Variants in ASTN2 observed in about 807,000 individuals in gnomAD.
The protein encoded by ASTN2 is astrotactin-2.
In ASTN2, 54 loss-of-function variants were observed where a neutral mutation model predicts 139.8. That is an observed-to-expected ratio of 0.39 (90% confidence interval 0.31 to 0.48). ASTN2 has a LOEUF of 0.48. ASTN2 is among the 20% of genes least tolerant of loss of function. ASTN2 has a pLI of 0.95. For missense variants in ASTN2, 1,565 were observed against 1,725.1 expected (o/e 0.91, Z 1.64); for synonymous variants, 756 against 719.5 (o/e 1.05, Z -0.81).
chr9:116,590,901 T>G (rs1385684038), intron 19 of ASTN2, among the ~76,000 whole-genome samples: 2 of 152,232 alleles, frequency 1.3e-5, no homozygotes, highest in African/African-American at 4.8e-5. Flanking sequence ...AGCTGGACAC[T>G]CATCAGGATG....
intron 13 of ASTN2, among the ~76,000 whole-genome samples, chr9:116,793,692 CA>C (rs1167881686): frequency 3.3e-5 from 5 of 152,080 alleles, no homozygotes; most frequent in African/African-American, 4.8e-5. Context: ...GAAAAACAAA[CA>C]AAAAAGCTGG....
intron 13 of ASTN2, among the ~76,000 whole-genome samples, chr9:116,795,747 AAAGGAATGCAATTT>A (rs1291367040): frequency 6.6e-6 from 1 of 152,048 alleles, no homozygotes; most frequent in Non-Finnish European, 1.5e-5. Flanking sequence ...AACTGGGGGG[AAAGGAATGCAATTT>A]AAGGCAGAGA....
At chr9:116,568,721 T>A (rs965067574) in intron 19 of ASTN2, 2 of 152,176 alleles carry the variant, frequency 1.3e-5, no homozygotes, top group African/African-American at 2.4e-5. Flanking sequence ...CAGGTTTGAA[T>A]TAAGGAAAGA....
At chr9:116,752,334 A>G (rs6478248) in intron 13 of ASTN2, among the ~76,000 whole-genome samples, 121,767 of 151,854 alleles carry the variant, frequency 0.8, 48,938 homozygotes, top group South Asian at 0.91. Context: ...GAAGAAGAAA[A>G]ACAGACAAAA....
intron 17 of ASTN2, among the ~76,000 whole-genome samples, chr9:116,649,156 T>A (rs966528252): frequency 6.6e-6 from 1 of 152,240 alleles, no homozygotes; most frequent in Non-Finnish European, 1.5e-5. Context: ...CCTATGTTCA[T>A]CACTTCCTTG....
Position 117,008,293 on chromosome 9 carries a change from CT to C in ASTN2, c.1424-35del, listed in dbSNP as rs747700495. 3.2e-5 allele frequency: 50 copies of C among 1,545,328 alleles called. No homozygotes were observed. In the Middle Eastern group the frequency reaches 5.2e-4, roughly 16 times the overall value. ...GAACGGAGAGACAGATACTTTCTTA[CT>C]GATTTTAAGGTCTTAGCTGATGCTA... On this transcript the variant is annotated intron_variant, in intron 6 of 22. Transcript: ENST00000313400.
chr9:116,822,321 T>C (rs890412992), intron 11 of ASTN2, among the ~76,000 whole-genome samples: 2 of 152,060 alleles, frequency 1.3e-5, no homozygotes, highest in Non-Finnish European at 2.9e-5. Flanking sequence ...AGAAAGTAGG[T>C]TATAAATGGC....
At chr9:116,784,678 C>T (rs1249764426) in intron 13 of ASTN2, among the ~76,000 whole-genome samples, 1 of 152,028 alleles carries the variant, frequency 6.6e-6, no homozygotes, top group Non-Finnish European at 1.5e-5. Context: ...GCCTGTAATC[C>T]CAGCACTTTG....
rs970834306 is a variant in ASTN2 at position 117,264,171 on chromosome 9, A to AT, written c.630+27154dup. ...AGTTTCTTGTCCAGTAAAATCTACAATTTTTTTTTCTAGGTGATACTGAGT... is the reference window on the plus strand; with the variant it reads ...AGTTTCTTGTCCAGTAAAATCTACAATTTTTTTTTTCTAGGTGATACTGAGT... On this transcript the variant is annotated intron_variant, in intron 2 of 22. Transcript: ENST00000313400. 2.8e-3 allele frequency among the ~76,000 whole-genome samples: 419 copies of AT among 151,794 alleles called. 1 individual carries two copies. The highest frequency in any genetic ancestry group is 9.7e-3 in the African/African-American group (400 of 41,394).
chr9:117,003,953 C>CGCGCGCGTGT (rs1218309835), intron 7 of ASTN2, among the ~76,000 whole-genome samples: 2 of 146,226 alleles, frequency 1.4e-5, no homozygotes, highest in African/African-American at 5.2e-5. Flanking sequence ...CGCGCGCGCG[C>CGCGCGCGTGT]GTGTGTGTGT....
At chr9:117,103,596 C>T (rs1489795163) in intron 4 of ASTN2, among the ~76,000 whole-genome samples, 1 of 152,190 alleles carries the variant, frequency 6.6e-6, no homozygotes, top group Non-Finnish European at 1.5e-5. Flanking sequence ...ACCTGCTCTG[C>T]CAGCCTCGAC....
chr9:117,134,302 AC>A, intron 4 of ASTN2, among the ~76,000 whole-genome samples: 1 of 50,204 alleles, frequency 2.0e-5, no homozygotes, highest in South Asian at 5.4e-4. Context: ...ATATACACAC[AC>A]ACACACACAC....
At chr9:117,273,182 G>A (rs1834105725) in intron 2 of ASTN2, among the ~76,000 whole-genome samples, 1 of 152,286 alleles carries the variant, frequency 6.6e-6, no homozygotes, top group Non-Finnish European at 1.5e-5. Flanking sequence ...AGAAGCAAAA[G>A]TAGAAACCCA....
intron 1 of ASTN2, among the ~76,000 whole-genome samples, chr9:117,334,403 G>A (rs1423045151): frequency 6.6e-6 from 1 of 151,812 alleles, no homozygotes; most frequent in Non-Finnish European, 1.5e-5. Flanking sequence ...CACACCTTGA[G>A]ACATTTATTT....
At chr9:116,983,074 G>T (rs565956486) in intron 7 of ASTN2, among the ~76,000 whole-genome samples, 12 of 152,272 alleles carry the variant, frequency 7.9e-5, no homozygotes, top group Non-Finnish European at 1.3e-4. Flanking sequence ...TTCTAACTCA[G>T]TCATCACTTA....
chr9:116,872,852 G>A (rs1205284858), intron 10 of ASTN2, among the ~76,000 whole-genome samples: 1 of 152,114 alleles, frequency 6.6e-6, no homozygotes, highest in East Asian at 1.9e-4. Context: ...AGAAAAGCTG[G>A]ACTGTCAAGG....
intron 1 of ASTN2, among the ~76,000 whole-genome samples, chr9:117,340,380 G>A (rs923440328): frequency 6.7e-6 from 1 of 150,118 alleles, no homozygotes. Context: ...GAGAGGAGGA[G>A]GGGTATGACT....
intron 5 of ASTN2, among the ~76,000 whole-genome samples, chr9:117,077,752 A>ACAG (rs2132719889): frequency 6.6e-6 from 1 of 152,082 alleles, no homozygotes; most frequent in South Asian, 2.1e-4. Flanking sequence ...TGTCTAAATA[A>ACAG]CAACAACAAC....
chr9:117,326,021 A>G (rs1828504008), intron 1 of ASTN2, among the ~76,000 whole-genome samples: 1 of 152,150 alleles, frequency 6.6e-6, no homozygotes, highest in Admixed American at 6.5e-5. Context: ...CCCTTTCAGA[A>G]GAGGCCACAC....
Sources: gnomAD v4.1 joint callset for allele counts (sites outside exome capture counted in the v4.1 genomes callset) on GRCh38, gnomAD v4.1.1 for gene constraint, MANE v1.5 for transcripts, NCBI Gene and HGNC (gene_info 2026-07-23, HGNC 2026-07-21) for gene names.